The following NUCB2 variants were observed in gnomAD, a reference collection of about 807,000 sequenced individuals.
NUCB2 encodes nucleobindin 2.
Under a neutral mutation model 57.9 loss-of-function variants are expected in NUCB2, and 48 were observed. That is an observed-to-expected ratio of 0.83 (90% CI 0.66 to 1.05). NUCB2 has a LOEUF of 1.05. NUCB2 is among the 50% of genes least tolerant of loss of function. NUCB2 has a pLI of 0.00. For synonymous variants in NUCB2, 139 were observed against 152.1 expected (o/e 0.91, Z 0.64); for missense variants, 442 against 476.2 (o/e 0.93, Z 0.67).
chr11:17,298,382 A>G (rs1275466068), intron 4 of NUCB2, among the ~76,000 whole-genome samples: 2 of 152,032 alleles, frequency 1.3e-5, no homozygotes, highest in African/African-American at 4.8e-5. Context: ...CCTAGGCAAC[A>G]TAGTGAAACC....
chr11:17,298,275 A>T (rs565874079), intron 4 of NUCB2, among the ~76,000 whole-genome samples: 3 of 151,926 alleles, frequency 2.0e-5, no homozygotes, highest in Non-Finnish European at 2.9e-5. Flanking sequence ...TAAAAAAAAA[A>T]TCATCTGAGG....
At chr11:17,286,567 A>G (rs1382748458) in intron 2 of NUCB2, 1 of 152,254 alleles carries the variant, frequency 6.6e-6, no homozygotes, top group East Asian at 1.9e-4. Flanking sequence ...AGAGTAAATT[A>G]TCAGCCTGTC....
intron 5 of NUCB2, among the ~76,000 whole-genome samples, chr11:17,303,168 G>A (rs1262996997): frequency 6.6e-6 from 1 of 152,084 alleles, no homozygotes; most frequent in Non-Finnish European, 1.5e-5. Flanking sequence ...TTTCATAAAG[G>A]GATACTATCT....
intron 4 of NUCB2, among the ~76,000 whole-genome samples, chr11:17,299,390 C>T (rs897474155): frequency 2.0e-5 from 3 of 152,064 alleles, no homozygotes; most frequent in Non-Finnish European, 2.9e-5. Context: ...CTATTCTCTC[C>T]TTGAAATATA....
chr11:17,279,885 G>A (rs927389957), intron 1 of NUCB2, among the ~76,000 whole-genome samples: 1 of 150,368 alleles, frequency 6.7e-6, no homozygotes, highest in Middle Eastern at 3.5e-3. Flanking sequence ...GAACTGCCAG[G>A]CTCAAGTGAT....
At chr11:17,322,858 T>C (rs1026611987) in intron 11 of NUCB2, among the ~76,000 whole-genome samples, 2 of 152,148 alleles carry the variant, frequency 1.3e-5, no homozygotes, top group Non-Finnish European at 2.9e-5. Context: ...TGGGATTACT[T>C]TTTAAATTTC....
intron 1 of NUCB2, among the ~76,000 whole-genome samples, chr11:17,281,801 C>T (rs1455248058): frequency 1.3e-5 from 2 of 151,648 alleles, no homozygotes; most frequent in Non-Finnish European, 2.9e-5. Flanking sequence ...GTTAAATATA[C>T]CATATGTAAA....
intron 2 of NUCB2, chr11:17,283,526 TAA>T (rs1405980926): frequency 4.6e-5 from 7 of 152,254 alleles, no homozygotes; most frequent in African/African-American, 1.7e-4. Context: ...GGCAGAGATA[TAA>T]GTCTGACTAT....
At chr11:17,344,389 C>T (rs1591648218) in intron 2 of NUCB2, among the ~76,000 whole-genome samples, 1 of 152,182 alleles carries the variant, frequency 6.6e-6, no homozygotes, top group Non-Finnish European at 1.5e-5. Flanking sequence ...TTTATTACTT[C>T]TTCACTACTT....
chr11:17,316,391 A>T (rs1949252934), intron 11 of NUCB2, among the ~76,000 whole-genome samples: 1 of 152,232 alleles, frequency 6.6e-6, no homozygotes, highest in Non-Finnish European at 1.5e-5. Context: ...ATTCTTCAAA[A>T]ACATGATTTT....
intron 2 of NUCB2, among the ~76,000 whole-genome samples, chr11:17,293,982 C>T (rs897028688): frequency 6.6e-6 from 1 of 152,138 alleles, no homozygotes; most frequent in African/African-American, 2.4e-5. Context: ...GATGGTTGCA[C>T]AGCCTTGTGA....
At chr11:17,344,206 G>A (rs911437840) in intron 2 of NUCB2, among the ~76,000 whole-genome samples, 4 of 152,052 alleles carry the variant, frequency 2.6e-5, no homozygotes, top group Admixed American at 1.3e-4. Flanking sequence ...TGACTTTTTT[G>A]TATCCTCCTT....
chr11:17,294,896 A>G lies in NUCB2; in HGVS notation c.1-428A>G, dbSNP rs141555405. On this transcript the variant is annotated intron_variant, in intron 2 of 13. Coordinates refer to ENST00000529010, the MANE Select transcript of NUCB2 (RefSeq NM_005013.4). ...AACCCCCGTCTCTACTAAAAATACA[A>G]AATTAGCCAGGTGTGATGGCACATG... Among the ~76,000 whole-genome samples the G allele has an allele frequency of 1.1e-3, 160 of 152,200 alleles. 2 individuals are homozygous for G. The highest frequency in any genetic ancestry group is 1.6e-3 in the Admixed American group (25 of 15,278).
At chr11:17,299,457 T>C (rs2138542537) in intron 4 of NUCB2, among the ~76,000 whole-genome samples, 1 of 152,286 alleles carries the variant, frequency 6.6e-6, no homozygotes, top group Middle Eastern at 3.4e-3. Flanking sequence ...TAATTACTCA[T>C]CTATGAAGAA....
chr11:17,297,351 G>A (rs1945985473), intron 4 of NUCB2, among the ~76,000 whole-genome samples: 1 of 152,132 alleles, frequency 6.6e-6, no homozygotes, highest in Non-Finnish European at 1.5e-5. Flanking sequence ...TTCTTTGAAA[G>A]ACTGACTCCC....
rs974207026 is a variant in NUCB2, at chr11:17,325,855, T to A, written c.1003-4272T>A. On this transcript the variant is annotated intron_variant, in intron 11 of 13. Coordinates refer to ENST00000529010, the MANE Select transcript of NUCB2 (RefSeq NM_005013.4). ...CAATTGTATGTTTTTAGATTTGAGG[T>A]TACCATGAGGCCTGCAAATAATATT... is the stretch of plus-strand genomic sequence containing the variant. 2.0e-5 allele frequency among the ~76,000 whole-genome samples: 3 copies of A among 152,170 alleles called. No homozygotes were observed. The South Asian group carries it at 6.2e-4, about 31-fold the overall frequency.
chr11:17,331,098 T>C, intron 13 of NUCB2, 115 bp downstream of exon 13: 1 of 865,166 alleles, frequency 1.2e-6, no homozygotes, highest in Non-Finnish European at 1.8e-6. Flanking sequence ...ATTTTTTGTG[T>C]ATTTTTTGTG....
At chr11:17,311,304 T>C (rs1038712086) in intron 8 of NUCB2, 21 bp downstream of exon 8, 13 of 1,473,448 alleles carry the variant, frequency 8.8e-6, no homozygotes, top group Non-Finnish European at 1.0e-5. Flanking sequence ...GATACAAATA[T>C]TAATATTTAT....
Position 17,330,822 on chromosome 11 carries a change from A to T in NUCB2, c.1174-80A>T. The T allele has an allele frequency of 1.2e-6, 1 of 863,482 alleles. No homozygotes were observed. Among genetic ancestry groups the T allele is most frequent in the Non-Finnish European group, 1.9e-6 (1 of 516,882 alleles). The allele number at this position is 863,482 out of a possible 1,614,324, so 53.5% of individuals were successfully genotyped here. On this transcript the variant is annotated intron_variant, in intron 12 of 13. Transcript: ENST00000529010. The surrounding 1 kb of genome is among the most constrained non-coding windows in gnomAD (Gnocchi z 4.3). ...TTGTTTTAGAAAACAATTTTCATTT[A>T]CTTTGTTGTGCTTTGTCAAAGGTCA... is the stretch of plus-strand genomic sequence containing the variant.
Sources: allele counts gnomAD v4.1 joint callset (sites outside exome capture counted in the v4.1 genomes callset), GRCh38; gene constraint gnomAD v4.1.1; non-coding constraint Gnocchi (gnomAD v3.1); transcripts MANE v1.5; gene names NCBI Gene and HGNC (gene_info 2026-07-23, HGNC 2026-07-21).